Variants in MACF1 observed in about 807,000 individuals in gnomAD.
MACF1 encodes microtubule actin crosslinking factor 1.
In MACF1, 193 loss-of-function variants were observed where a neutral mutation model predicts 854.8. The observed-to-expected ratio is 0.23, with a 90% CI of 0.20 to 0.25. The LOEUF (loss-of-function observed/expected upper bound fraction) is 0.25, where lower values mean the gene tolerates loss of function less well. MACF1 is among the 10% of genes least tolerant of loss of function. MACF1 has a pLI of 1.00. For missense variants in MACF1, 7,722 were observed against 8,929.1 expected, an observed-to-expected ratio of 0.86 and a Z score of 5.45; for synonymous variants, 3,185 against 3,226.7, an observed-to-expected ratio of 0.99 and a Z score of 0.44.
At chr1:39,131,396 A>ACTCCTGGCCTCAAGCTATC (rs1643002777) in intron 2 of MACF1, among the ~76,000 whole-genome samples, 1 of 147,884 alleles carries the variant, frequency 6.8e-6, no homozygotes, top group Admixed American at 6.7e-5. Flanking sequence ...CTGGTCTTGA[A>ACTCCTGGCCTCAAGCTATC]CTCCTGGCCT....
chr1:39,213,238 T>C (rs1644537253), intron 1 of MACF1, among the ~76,000 whole-genome samples: 1 of 152,350 alleles, frequency 6.6e-6, no homozygotes, highest in South Asian at 2.1e-4. Context: ...ATAGTAAATG[T>C]TCAGTTAATT....
chr1:39,210,393 A>G (rs185458571), intron 1 of MACF1, among the ~76,000 whole-genome samples: 2 of 150,624 alleles, frequency 1.3e-5, no homozygotes, highest in East Asian at 1.9e-4. Flanking sequence ...AAAAAAAAAG[A>G]GACGAGGTTT....
At chr1:39,123,378 TTG>T (rs1412965452) in intron 2 of MACF1, among the ~76,000 whole-genome samples, 1 of 151,272 alleles carries the variant, frequency 6.6e-6, no homozygotes, top group Non-Finnish European at 1.5e-5. Context: ...CGGCTAATTT[TTG>T]TATTTTTAGT....
chr1:39,210,541 A>AT (rs1314015228), intron 1 of MACF1, among the ~76,000 whole-genome samples: 1 of 151,224 alleles, frequency 6.6e-6, no homozygotes, highest in Non-Finnish European at 1.5e-5. Flanking sequence ...AAAGATTTGT[A>AT]TGGTGTAGTA....
chr1:39,421,849 C>T (rs1355542874), intron 58 of MACF1, among the ~76,000 whole-genome samples: 1 of 152,108 alleles, frequency 6.6e-6, no homozygotes, highest in East Asian at 1.9e-4. Context: ...CCGAGGAGGG[C>T]GGATCACGAG....
At chr1:39,284,011 G>A (rs199991798) in intron 9 of MACF1, 55 bp from the exon 10 acceptor site, 8 of 1,595,922 alleles carry the variant, frequency 5.0e-6, no homozygotes, top group Non-Finnish European at 6.8e-6. Context: ...ACTTTCTCTT[G>A]TGCTTGTTTT....
At chr1:39,394,691 C>T (rs1191096412) in intron 58 of MACF1, among the ~76,000 whole-genome samples, 3 of 152,160 alleles carry the variant, frequency 2.0e-5, no homozygotes, top group Non-Finnish European at 2.9e-5. Context: ...CCAGTTTACT[C>T]CTTCCTTTCA....
intron 52 of MACF1, 80 bp from the exon 53 acceptor site, chr1:39,378,381 G>A: frequency 1.0e-6 from 1 of 982,520 alleles, no homozygotes; most frequent in Non-Finnish European, 1.6e-6. Flanking sequence ...TAAAGTGAGG[G>A]CCAAAGGACA....
chr1:39,292,837 A>G lies in MACF1; in HGVS notation c.1986A>G (p.Lys662=). Residue 662 remains lysine, a synonymous_variant, in exon 17 of 101, where the codon AAA becomes AAG. Coordinates refer to ENST00000564288, the MANE Select transcript of MACF1 (RefSeq NM_001394062.1). ...TLGKLETQYC[K]LKETSSFRMR... is the part of the protein sequence containing the mutation. ...GAAAGCTGGAGACACAGTATTGTAA[A>G]TTGAAGGTGAGTTTCTGCCGATTCT... 6.2e-7 allele frequency: 1 copy of G among 1,612,020 alleles called. No homozygotes were observed. Among genetic ancestry groups the G allele is most frequent in the Non-Finnish European group, 8.5e-7 (1 of 1,179,186 alleles).
At chr1:39,473,156 CT>C (rs1259088079) in intron 97 of MACF1, among the ~76,000 whole-genome samples, 1 of 152,138 alleles carries the variant, frequency 6.6e-6, no homozygotes, top group Non-Finnish European at 1.5e-5. Flanking sequence ...AAATTATGAA[CT>C]GTATTTTCCC....
chr1:39,378,421 GTT>G (rs780773227), intron 52 of MACF1, 38 bp from the exon 53 acceptor site: 10 of 1,503,824 alleles, frequency 6.6e-6, no homozygotes, highest in Non-Finnish European at 9.3e-6. Flanking sequence ...TTCCTAACAC[GTT>G]GGTCTTGCCC....
At chr1:39,250,481 G>A (rs371979763) in intron 3 of MACF1, among the ~76,000 whole-genome samples, 5 of 152,056 alleles carry the variant, frequency 3.3e-5, no homozygotes, top group Admixed American at 1.3e-4. Context: ...CTATATAGAC[G>A]CCTCTCATTT....
At chr1:39,292,650 T>C (rs781435921) in intron 16 of MACF1, 116 bp from the exon 17 acceptor site, 10 of 736,518 alleles carry the variant, frequency 1.4e-5, no homozygotes, top group Non-Finnish European at 2.1e-5. Flanking sequence ...TTCTGTTTTC[T>C]TAGAGCAACC....
intron 2 of MACF1, among the ~76,000 whole-genome samples, chr1:39,112,080 T>C (rs1642422511): frequency 6.8e-6 from 1 of 146,248 alleles, no homozygotes; most frequent in Non-Finnish European, 1.5e-5. Flanking sequence ...TTCCTGATTA[T>C]TCAAATCTTT....
At chr1:39,270,857 C>G (rs993177387) in intron 6 of MACF1, among the ~76,000 whole-genome samples, 8 of 152,300 alleles carry the variant, frequency 5.3e-5, no homozygotes, top group Non-Finnish European at 1.0e-4. Flanking sequence ...GATACAAATT[C>G]TGAGCAATCT....
intron 42 of MACF1, among the ~76,000 whole-genome samples, chr1:39,349,953 C>G (rs576827194): frequency 6.6e-6 from 1 of 152,308 alleles, no homozygotes; most frequent in African/African-American, 2.4e-5. Context: ...ATTCCTTCGA[C>G]AAATATTTAG....
chr1:39,254,140 G>A lies in MACF1; in HGVS notation c.358-158G>A, dbSNP rs66880209. 0.15 allele frequency: 93,035 copies of A among 625,338 alleles called. 7,693 individuals carry two copies. The highest frequency in any genetic ancestry group is 0.18 in the East Asian group (6,485 of 35,950). The allele number at this position is 625,338 out of a possible 1,614,324, so 38.7% of individuals were successfully genotyped here. Reference sequence around the variant, plus strand: ...GAGAGCCTGGTCGAAACACGTACAGGCCTGGTCTTAGGGGGTGCTTTGTGT... The same window carrying A: ...GAGAGCCTGGTCGAAACACGTACAGACCTGGTCTTAGGGGGTGCTTTGTGT... On this transcript the variant is annotated intron_variant, in intron 4 of 100. Coordinates refer to ENST00000564288, the MANE Select transcript of MACF1 (RefSeq NM_001394062.1).
chr1:39,188,572 A>T (rs927061594), intron 2 of MACF1, among the ~76,000 whole-genome samples: 1 of 152,194 alleles, frequency 6.6e-6, no homozygotes, highest in Non-Finnish European at 1.5e-5. Flanking sequence ...CTCTGGGCCA[A>T]GTGGAGCAAT....
In MACF1 at chr1:39,117,046, T is replaced by C. The variant is rs1642566181; in HGVS notation, c.220+32608T>C. ...GCTGTTGTGGAAAATGCAGCCTCCTTCTTGTTTATTTTGGCAGGCAGGCAA... is the reference window on the plus strand; with the variant it reads ...GCTGTTGTGGAAAATGCAGCCTCCTCCTTGTTTATTTTGGCAGGCAGGCAA... On this transcript the variant is annotated intron_variant, in intron 2 of 93. Transcript: ENST00000361689. Among the ~76,000 whole-genome samples the C allele has an allele frequency of 5.3e-5, 8 of 152,280 alleles. No homozygotes were observed. In the South Asian group the frequency reaches 1.5e-3, roughly 28 times the overall value.
Sources: gnomAD v4.1 joint callset for allele counts (sites outside exome capture counted in the v4.1 genomes callset) on GRCh38, gnomAD v4.1.1 for gene constraint, MANE v1.5 for transcripts, NCBI Gene and HGNC (gene_info 2026-07-23, HGNC 2026-07-21) for gene names.